The following MRPS5 variants were observed in gnomAD, a reference collection of about 807,000 sequenced individuals.
MRPS5 encodes small ribosomal subunit protein uS5m.
Under a neutral mutation model 51.9 loss-of-function variants are expected in MRPS5, and 27 were observed. That is an observed-to-expected ratio of 0.52 (90% CI 0.38 to 0.72). MRPS5 has a LOEUF of 0.72. Ranked by LOEUF, MRPS5 falls within the 30% of genes least tolerant of loss-of-function variation. MRPS5 has a pLI of 0.00. For missense variants in MRPS5, 570 were observed against 545.7 expected, an observed-to-expected ratio of 1.04 and a Z score of -0.44; for synonymous variants, 196 against 193.2, an observed-to-expected ratio of 1.01 and a Z score of -0.12.
Position 95,104,667 on chromosome 2 carries a change from C to A in MRPS5, c.736G>T (p.Ala246Ser). 1 of 1,614,208 alleles carries A rather than the reference C, an allele frequency of 6.2e-7. No individual in the cohort carries two copies. Among genetic ancestry groups the A allele is most frequent in the Non-Finnish European group, 8.5e-7 (1 of 1,180,024 alleles). Residue 246 changes from alanine to serine, a missense_variant, in exon 7 of 12, where the codon GCT becomes TCT. Physicochemically the swap from Ala to Ser is moderately conservative, Grantham distance 99. Transcript: ENST00000272418. ...GRKKSIRVLVAVGNGKGAAGF... is the reference protein window; with the variant it reads ...GRKKSIRVLVSVGNGKGAAGF... ...GCAGCTCCTTTTCCGTTCCCCACAG[C>A]CACCAAGACACGGATCGATTTCTTT... is the stretch of plus-strand genomic sequence containing the variant.
At chr2:95,121,654 C>T (rs2104437147) in intron 1 of MRPS5, 80 bp downstream of exon 1, 1 of 1,453,020 alleles carries the variant, frequency 6.9e-7, no homozygotes, top group South Asian at 1.2e-5. Context: ...CTTCCCTCCG[C>T]CCCGACTTCT....
At chr2:95,103,408 C>T (rs1459920472) in intron 7 of MRPS5, among the ~76,000 whole-genome samples, 2 of 152,142 alleles carry the variant, frequency 1.3e-5, no homozygotes, top group African/African-American at 4.8e-5. Context: ...AGATTTGTTT[C>T]ACAGATCATA....
At chr2:95,094,472 G>T (rs568999105) in intron 10 of MRPS5, among the ~76,000 whole-genome samples, 2 of 152,236 alleles carry the variant, frequency 1.3e-5, no homozygotes, top group South Asian at 4.1e-4. Flanking sequence ...AAATATCAAG[G>T]GCAGCCAGAG....
chr2:95,102,794 T>C (rs1675841441), intron 7 of MRPS5, among the ~76,000 whole-genome samples: 1 of 152,250 alleles, frequency 6.6e-6, no homozygotes, highest in Non-Finnish European at 1.5e-5. Flanking sequence ...ACTCTTTAGT[T>C]TATGAACACT....
At chr2:95,096,376 C>T (rs1675628295) in intron 10 of MRPS5, among the ~76,000 whole-genome samples, 2 of 152,156 alleles carry the variant, frequency 1.3e-5, no homozygotes, top group South Asian at 4.1e-4. Context: ...GGCAGAGACA[C>T]AACCAAAAAC....
Position 95,085,800 on chromosome 2 carries a change from G to A in MRPS5, c.*1557C>T, listed in dbSNP as rs569307952. 5.9e-5 allele frequency among the ~76,000 whole-genome samples: 9 copies of A among 152,232 alleles called. No individual in the cohort carries two copies. In the East Asian group the frequency reaches 1.5e-3, roughly 26 times the overall value. Reference sequence around the variant, plus strand: ...AGCTTCATAACAGTGAAGATGACCAGGATACAGCCAAAGTCACTCATCATA... The same window carrying A: ...AGCTTCATAACAGTGAAGATGACCAAGATACAGCCAAAGTCACTCATCATA... On this transcript the variant is annotated 3_prime_UTR_variant, in exon 12 of 12. Transcript: ENST00000272418.
At chr2:95,098,924 T>A (rs77234020) in intron 10 of MRPS5, among the ~76,000 whole-genome samples, 1,014 of 19,546 alleles carry the variant, frequency 0.052, 12 homozygotes, top group Admixed American at 0.098. Flanking sequence ...TATTATTATT[T>A]TTTTTTTTTT....
chr2:95,096,326 C>G (rs921996482), intron 10 of MRPS5, among the ~76,000 whole-genome samples: 8 of 152,200 alleles, frequency 5.3e-5, no homozygotes, highest in African/African-American at 1.9e-4. Context: ...TCCTCCCTAA[C>G]TCATTTTATG....
chr2:95,114,489 T>C (rs1676225555), intron 3 of MRPS5, among the ~76,000 whole-genome samples: 1 of 152,118 alleles, frequency 6.6e-6, no homozygotes, highest in Non-Finnish European at 1.5e-5. Context: ...GCCAGGATGG[T>C]CTTGATCTCC....
Position 95,117,870 on chromosome 2 carries a change from C to T in MRPS5, c.134G>A (p.Gly45Asp). 1 of 1,605,676 alleles carries T rather than the reference C, an allele frequency of 6.2e-7. No homozygotes were observed. The highest frequency in any genetic ancestry group is 2.2e-5 in the East Asian group (1 of 44,664). ...GTAGCATTAATGAATCTCACCATTG[C>T]CGAGAACACTCTTCCATGCCAAAAT... ...ASILAWKSVL[G>D]NGHLSSLGTR... Residue 45 changes from glycine to aspartate, a missense_variant, in exon 2 of 12, where the codon GGC becomes GAC. Gly to Asp is a moderately conservative substitution (Grantham distance 94). Transcript: ENST00000272418.
chr2:95,089,229 G>C (rs1675387394), intron 11 of MRPS5, among the ~76,000 whole-genome samples: 2 of 152,120 alleles, frequency 1.3e-5, no homozygotes, highest in Non-Finnish European at 2.9e-5. Flanking sequence ...AAGCTGTTCA[G>C]AAAACAGAAG....
At chr2:95,120,249 A>G (rs1039966530) in intron 1 of MRPS5, among the ~76,000 whole-genome samples, 1 of 152,270 alleles carries the variant, frequency 6.6e-6, no homozygotes, top group Non-Finnish European at 1.5e-5. Flanking sequence ...TGGTATTCAT[A>G]CAATATCATT....
At chr2:95,093,942 A>T (rs1196875855) in intron 10 of MRPS5, among the ~76,000 whole-genome samples, 1 of 152,268 alleles carries the variant, frequency 6.6e-6, no homozygotes, top group Non-Finnish European at 1.5e-5. Context: ...TCTCCAAGTT[A>T]AAGGAGAATG....
At chr2:95,116,767 C>A (rs1213319764) in intron 2 of MRPS5, among the ~76,000 whole-genome samples, 1 of 152,204 alleles carries the variant, frequency 6.6e-6, no homozygotes, top group Admixed American at 6.5e-5. Flanking sequence ...GAGGCCAAGG[C>A]GGGTGGCTCA....
At chr2:95,115,420 C>G (rs960003273) in intron 2 of MRPS5, among the ~76,000 whole-genome samples, 2 of 152,116 alleles carry the variant, frequency 1.3e-5, no homozygotes, top group Non-Finnish European at 2.9e-5. Flanking sequence ...ATCCGCACAA[C>G]GGGGGCAGCT....
chr2:95,089,279 C>G (rs1675388822), intron 11 of MRPS5, among the ~76,000 whole-genome samples: 1 of 152,292 alleles, frequency 6.6e-6, no homozygotes, highest in African/African-American at 2.4e-5. Flanking sequence ...AATTTTCCTA[C>G]TTTAAACAGA....
rs1675257393 is a variant in MRPS5, at chr2:95,085,403, T to C, written c.*1954A>G. ...CCCTCTCCAAAGGATCATTGTCTTT[T>C]ATTGCTTAAAGTTCATTGTCTTTAT... On this transcript the variant is annotated 3_prime_UTR_variant, in exon 12 of 12. Coordinates refer to ENST00000272418, the MANE Select transcript of MRPS5 (RefSeq NM_031902.5). 6.6e-6 allele frequency among the ~76,000 whole-genome samples: 1 copy of C among 152,236 alleles called. No homozygotes were observed. The highest frequency in any genetic ancestry group is 2.4e-5 in the African/African-American group (1 of 41,454).
chr2:95,089,383 A>G (rs1234350545), intron 11 of MRPS5, among the ~76,000 whole-genome samples: 1 of 152,208 alleles, frequency 6.6e-6, no homozygotes, highest in African/African-American at 2.4e-5. Flanking sequence ...CAGCTAACAG[A>G]GTTCAGCAAA....
intron 10 of MRPS5, among the ~76,000 whole-genome samples, chr2:95,099,318 G>A (rs934080893): frequency 1.3e-5 from 2 of 151,480 alleles, no homozygotes; most frequent in Non-Finnish European, 2.9e-5. Context: ...ACATAAACAT[G>A]ATCCAAGTCG....
Sources: allele counts gnomAD v4.1 joint callset (sites outside exome capture counted in the v4.1 genomes callset), GRCh38; gene constraint gnomAD v4.1.1; transcripts MANE v1.5; gene names NCBI Gene and HGNC (gene_info 2026-07-23, HGNC 2026-07-21).